The following TSPEAR variants were observed in gnomAD, a reference collection of about 807,000 sequenced individuals.
TSPEAR encodes thrombospondin type laminin G domain and EAR repeats.
Under a neutral mutation model 71.6 loss-of-function variants are expected in TSPEAR, and 69 were observed. The ratio of observed to expected loss-of-function variants is 0.96; its 90% confidence interval spans 0.79 to 1.18. The LOEUF (loss-of-function observed/expected upper bound fraction) is 1.18. TSPEAR is among the 50% of genes most tolerant of loss of function. The pLI is 0.00. For synonymous variants in TSPEAR, 402 were observed against 387.2 expected, an observed-to-expected ratio of 1.04 and a Z score of -0.45; for missense variants, 971 against 894.9, an observed-to-expected ratio of 1.09 and a Z score of -1.09.
At chr21:44,517,307 C>CT (rs1346454893) in intron 9 of TSPEAR, 2 of 160,202 alleles carry the variant, frequency 1.2e-5, no homozygotes, top group African/African-American at 4.8e-5. Context: ...CAGTGCACCC[C>CT]CCAGGAACAC....
intron 8 of TSPEAR, among the ~76,000 whole-genome samples, chr21:44,523,546 TGGTC>T (rs1272790838): frequency 7.9e-5 from 12 of 151,304 alleles, no homozygotes; most frequent in African/African-American, 2.9e-4. Context: ...GTCATTGAGA[TGGTC>T]AGTCAGTAAG....
intron 2 of TSPEAR, among the ~76,000 whole-genome samples, chr21:44,548,682 G>A (rs1055740776): frequency 5.9e-5 from 9 of 152,156 alleles, no homozygotes; most frequent in African/African-American, 2.2e-4. Context: ...TGTTTATTTG[G>A]GTTTTGCCAG....
chr21:44,505,225 T>C (rs1555911746), intron 10 of TSPEAR, among the ~76,000 whole-genome samples: 1 of 151,940 alleles, frequency 6.6e-6, no homozygotes, highest in East Asian at 1.9e-4. Context: ...ATTACAAGTG[T>C]GCGGCACCAC....
chr21:44,499,682 T>A lies in TSPEAR; in HGVS notation c.*101A>T. On this transcript the variant is annotated 3_prime_UTR_variant, in exon 12 of 12. Coordinates refer to ENST00000323084, the MANE Select transcript of TSPEAR (RefSeq NM_144991.3). ...CCCTGCCTGATGCCCAGGCCCGGGATGCCCTAGGCTGGGCCCACCTGGACG... is the reference window on the plus strand; with the variant it reads ...CCCTGCCTGATGCCCAGGCCCGGGAAGCCCTAGGCTGGGCCCACCTGGACG... 7.8e-7 allele frequency: 1 copy of A among 1,275,300 alleles called. No homozygotes were observed. The highest frequency in any genetic ancestry group is 2.8e-5 in the East Asian group (1 of 35,212). The allele number at this position is 1,275,300 out of a possible 1,614,324, so 79.0% of individuals were successfully genotyped here.
intron 1 of TSPEAR, chr21:44,698,128 C>G: frequency 2.9e-6 from 2 of 699,416 alleles, no homozygotes; most frequent in Non-Finnish European, 4.7e-6. Flanking sequence ...CCAGATGACC[C>G]TGCCTCCACC....
chr21:44,626,116 C>T (rs587647952), intron 1 of TSPEAR, among the ~76,000 whole-genome samples: 17 of 152,324 alleles, frequency 1.1e-4, no homozygotes, highest in African/African-American at 3.6e-4. Flanking sequence ...TACTCAACAT[C>T]GTGTAATACG....
intron 1 of TSPEAR, among the ~76,000 whole-genome samples, chr21:44,659,593 T>C (rs1272363452): frequency 6.6e-6 from 1 of 152,148 alleles, no homozygotes; most frequent in Non-Finnish European, 1.5e-5. Flanking sequence ...ACCAAGCCAT[T>C]GTTGGGAGAC....
chr21:44,669,801 C>T (rs1217285073), intron 1 of TSPEAR, among the ~76,000 whole-genome samples: 3 of 152,180 alleles, frequency 2.0e-5, no homozygotes, highest in African/African-American at 7.2e-5. Context: ...AGAGGTCCTA[C>T]CCCCAGAACA....
intron 1 of TSPEAR, chr21:44,580,721 A>C: frequency 1.2e-6 from 1 of 826,364 alleles, no homozygotes; most frequent in Non-Finnish European, 1.9e-6. Context: ...TTGTCCCGAC[A>C]GGAGGCTCCA....
intron 1 of TSPEAR, among the ~76,000 whole-genome samples, chr21:44,706,951 C>A (rs1987955992): frequency 6.6e-6 from 1 of 152,208 alleles, no homozygotes; most frequent in South Asian, 2.1e-4. Context: ...GGTCCCCCCA[C>A]CCCCAACCCC....
chr21:44,505,160 C>A (rs1030376074), intron 10 of TSPEAR, among the ~76,000 whole-genome samples: 1 of 152,114 alleles, frequency 6.6e-6, no homozygotes, highest in African/African-American at 2.4e-5. Context: ...CTCACGGCAA[C>A]CTCTGCCTCT....
chr21:44,525,545 T>A, intron 8 of TSPEAR, 108 bp downstream of exon 8: 1 of 1,175,652 alleles, frequency 8.5e-7, no homozygotes, highest in Non-Finnish European at 1.2e-6. Context: ...CACCCTGTGC[T>A]GCATGTGGCT....
At chr21:44,602,523 C>G (rs1555929118) in intron 1 of TSPEAR, among the ~76,000 whole-genome samples, 1 of 152,150 alleles carries the variant, frequency 6.6e-6, no homozygotes, top group African/African-American at 2.4e-5. Flanking sequence ...GCTGGCCGGG[C>G]TGGCCCTTGG....
chr21:44,597,493 T>A (rs1230693742), intron 1 of TSPEAR, among the ~76,000 whole-genome samples: 1 of 150,676 alleles, frequency 6.6e-6, no homozygotes, highest in African/African-American at 2.5e-5. Context: ...AGGGCAGTGG[T>A]GCGATCTCGG....
At position 44,694,542 on chromosome 21, in the gene TSPEAR, T is replaced by G. The variant is rs562009348; in HGVS notation, c.82+16891A>C. On this transcript the variant is annotated intron_variant, in intron 1 of 11. Transcript: ENST00000323084. Reference sequence around the variant, plus strand: ...GTACTTAACCCACAGAATTGTTCACTTAAAAATGGTTAAAATGGTAAATTT... The same window carrying G: ...GTACTTAACCCACAGAATTGTTCACGTAAAAATGGTTAAAATGGTAAATTT... 2.6e-5 allele frequency among the ~76,000 whole-genome samples: 4 copies of G among 152,324 alleles called. No individual in the cohort carries two copies. The South Asian group carries it at 8.3e-4, about 32-fold the overall frequency.
chr21:44,565,498 T>C (rs2053690982), intron 2 of TSPEAR, among the ~76,000 whole-genome samples: 1 of 152,116 alleles, frequency 6.6e-6, no homozygotes. Flanking sequence ...TCCAGCAACA[T>C]AAAAGAAGAG....
chr21:44,629,838 C>T (rs1555935391), intron 1 of TSPEAR, among the ~76,000 whole-genome samples: 2 of 152,196 alleles, frequency 1.3e-5, no homozygotes, highest in African/African-American at 4.8e-5. Context: ...ATAAGGGGAA[C>T]TCTCACTGGT....
chr21:44,523,677 G>C (rs11911774), intron 8 of TSPEAR, among the ~76,000 whole-genome samples: 5,958 of 151,042 alleles, frequency 0.039, 405 homozygotes, highest in African/African-American at 0.14. Context: ...TTGTCAGGTA[G>C]TCATCAGCCA....
intron 1 of TSPEAR, chr21:44,682,111 T>A (rs1455968882): frequency 6.2e-7 from 1 of 1,613,736 alleles, no homozygotes; most frequent in East Asian, 2.2e-5. Context: ...GAGGAGCAGC[T>A]GGTGTGGCAC....
Sources: gnomAD v4.1 joint callset for allele counts (sites outside exome capture counted in the v4.1 genomes callset) on GRCh38, gnomAD v4.1.1 for gene constraint, MANE v1.5 for transcripts, NCBI Gene and HGNC (gene_info 2026-07-23, HGNC 2026-07-21) for gene names.